SUCO: variants seen among roughly 807,000 people sequenced by gnomAD.
SUCO encodes SUN domain-containing ossification factor.
SUCO carries 57 observed loss-of-function variants against 148.1 expected under a neutral mutation model. The ratio of observed to expected loss-of-function variants is 0.38; its 90% CI spans 0.31 to 0.48. The LOEUF (loss-of-function observed/expected upper bound fraction) is 0.48. SUCO is among the 20% of genes least tolerant of loss of function. The pLI, the probability that SUCO is intolerant of heterozygous loss-of-function variation, is 0.96. For missense variants in SUCO, 1,331 were observed against 1,468.2 expected (o/e 0.91, Z 1.53); for synonymous variants, 470 against 502.7 (o/e 0.93, Z 0.87).
At chr1:172,555,837 A>G (rs375226976) in intron 3 of SUCO, 32 bp from the exon 4 acceptor site, 3 of 1,555,994 alleles carry the variant, frequency 1.9e-6, no homozygotes, top group African/African-American at 1.4e-5. Context: ...TAATCTCAAC[A>G]TTTAATTTAG....
At chr1:172,532,940 C>T (rs1651697201), upstream of SUCO, 2 of 1,360,954 alleles carry the variant, frequency 1.5e-6, no homozygotes, top group Non-Finnish European at 9.7e-7. Flanking sequence ...CTGCCTCCGG[C>T]TTCTCCGCCT....
intron 17 of SUCO, chr1:172,587,958 C>T (rs1452197929): frequency 8.7e-6 from 3 of 343,020 alleles, no homozygotes; most frequent in Non-Finnish European, 1.2e-5. Flanking sequence ...CTCCTGTATG[C>T]CACATACATA....
At chr1:172,590,551 G>A (rs768087046) in intron 18 of SUCO, among the ~76,000 whole-genome samples, 3 of 151,872 alleles carry the variant, frequency 2.0e-5, no homozygotes, top group Admixed American at 6.6e-5. Flanking sequence ...CTCTACCAAC[G>A]TTTTGCAAAC....
Position 172,551,495 on chromosome 1 carries a change from T to C in SUCO, c.63-17T>C. On this transcript the variant is annotated splice_polypyrimidine_tract_variant and intron_variant, in intron 1 of 23. Coordinates refer to ENST00000263688, the MANE Select transcript of SUCO (RefSeq NM_014283.5). ...TTTCTCTTTTTCTGTTTGTTGGTGG[T>C]GGTGGGTGTTTTACAGGCTTCCCAG... 6.8e-7 allele frequency: 1 copy of C among 1,475,328 alleles called. No individual in the cohort carries two copies. The highest frequency in any genetic ancestry group is 1.9e-5 in the Admixed American group (1 of 51,600). 91.4% of individuals were successfully genotyped at this position (1,475,328 alleles called of 1,614,324 possible).
chr1:172,540,622 A>G (rs1261152702), intron 1 of SUCO, among the ~76,000 whole-genome samples: 1 of 152,204 alleles, frequency 6.6e-6, no homozygotes, highest in Non-Finnish European at 1.5e-5. Context: ...GTTCTCAAGG[A>G]AGGCTTGACT....
intron 1 of SUCO, among the ~76,000 whole-genome samples, chr1:172,537,729 T>C (rs1035346360): frequency 6.6e-6 from 1 of 152,228 alleles, no homozygotes; most frequent in African/African-American, 2.4e-5. Flanking sequence ...TGGAGAAGCT[T>C]ATATTTAGAC....
At position 172,589,719 on chromosome 1, in the gene SUCO, A is replaced by G; in HGVS notation, c.2618A>G (p.Glu873Gly). ...GTAAAAGAAGAAGAACAGTCTCCAG[A>G]AGATGCCCTTTTGAGAGGGTTACAG... ...PEVKEEEQSP[E>G]DALLRGLQRT... The change falls in exon 18 of 24, where the codon GAA (glutamate) becomes GGA (glycine). Residue 873 changes from glutamate (E) to glycine (G), a missense_variant. Physicochemically the swap from Glu to Gly is moderately conservative, Grantham distance 98 (BLOSUM62 -2). This residue lies in a region of SUCO where 992 missense variants were observed against 1,093.5 expected (regional missense o/e 0.91). Transcript: ENST00000263688. The G allele has an allele frequency of 6.2e-7, 1 of 1,613,610 alleles. No homozygotes were observed. Among genetic ancestry groups the G allele is most frequent in the Non-Finnish European group, 8.5e-7 (1 of 1,179,694 alleles).
intron 1 of SUCO, among the ~76,000 whole-genome samples, chr1:172,548,707 A>T (rs564756421): frequency 6.6e-6 from 1 of 151,912 alleles, no homozygotes; most frequent in Admixed American, 6.6e-5. Context: ...TTGTTGCAGC[A>T]TGGTTGGAGA....
At chr1:172,593,302 C>T (rs940775384) in intron 19 of SUCO, among the ~76,000 whole-genome samples, 1 of 152,196 alleles carries the variant, frequency 6.6e-6, no homozygotes, top group East Asian at 1.9e-4. Flanking sequence ...GCAGAACTTC[C>T]AGCACTATGT....
chr1:172,605,010 T>C lies in SUCO; in HGVS notation c.3265+2223T>C, dbSNP rs189305096. Among the ~76,000 whole-genome samples, 9 of 151,950 alleles carry C rather than the reference T, an allele frequency of 5.9e-5. No individual in the cohort carries two copies. In the East Asian group the frequency reaches 1.7e-3, roughly 29 times the overall value. On this transcript the variant is annotated intron_variant, in intron 22 of 23. Coordinates refer to ENST00000263688, the MANE Select transcript of SUCO (RefSeq NM_014283.5). ...TACAGATATCTCTTTGCTCATTTTT[T>C]AGTTGGATTGTTTGAGTTTTTTGTT...
intron 1 of SUCO, among the ~76,000 whole-genome samples, chr1:172,546,929 G>A (rs1410900050): frequency 3.3e-5 from 5 of 152,124 alleles, no homozygotes; most frequent in South Asian, 4.2e-4. Flanking sequence ...TATGTACAGC[G>A]AAATGCACAG....
intron 12 of SUCO, 38 bp downstream of exon 12, chr1:172,577,597 G>A: frequency 3.1e-6 from 5 of 1,607,246 alleles, no homozygotes; most frequent in Non-Finnish European, 3.4e-6. Flanking sequence ...AAATAACAGG[G>A]CATGGCGTAT....
At chr1:172,532,800 C>T, upstream of SUCO, 1 of 1,606,786 alleles carries the variant, frequency 6.2e-7, no homozygotes, top group Non-Finnish European at 8.5e-7. Flanking sequence ...GGACGAAGGG[C>T]GGTCCACTGT....
At chr1:172,561,593 C>G (rs1654157718) in intron 6 of SUCO, among the ~76,000 whole-genome samples, 1 of 152,300 alleles carries the variant, frequency 6.6e-6, no homozygotes, top group East Asian at 1.9e-4. Context: ...AGCATGGCCT[C>G]TACACCCAAT....
At chr1:172,600,996 C>T (rs930260488) in intron 20 of SUCO, among the ~76,000 whole-genome samples, 1 of 152,148 alleles carries the variant, frequency 6.6e-6, no homozygotes, top group East Asian at 1.9e-4. Context: ...AAGATATTGG[C>T]AGAGGCCTGG....
At chr1:172,584,369 A>G in intron 15 of SUCO, 1 of 948,910 alleles carries the variant, frequency 1.1e-6, no homozygotes, top group Non-Finnish European at 1.3e-6. Flanking sequence ...AATTTTGGTC[A>G]TCACATTTTT....
intron 1 of SUCO, chr1:172,544,170 C>G: frequency 1.0e-6 from 1 of 976,904 alleles, no homozygotes; most frequent in Non-Finnish European, 1.2e-6. Context: ...GTGGCTGGCA[C>G]TATATTTCTG....
chr1:172,548,542 C>T (rs1653037438), intron 1 of SUCO, among the ~76,000 whole-genome samples: 1 of 151,918 alleles, frequency 6.6e-6, no homozygotes, highest in Non-Finnish European at 1.5e-5. Flanking sequence ...AGTTTTCCTG[C>T]TATTGTCTTA....
intron 6 of SUCO, among the ~76,000 whole-genome samples, chr1:172,562,327 A>ATTTTTTT (rs34871543): frequency 1.0e-4 from 14 of 137,704 alleles, no homozygotes; most frequent in Non-Finnish European, 1.4e-4. Context: ...GGGTTTTAAC[A>ATTTTTTT]TTTTTTTTTT....
Sources: gnomAD v4.1 joint callset for allele counts (sites outside exome capture counted in the v4.1 genomes callset) on GRCh38, gnomAD v4.1.1 for gene constraint, gnomAD v4.1.1 regional missense constraint, MANE v1.5 for transcripts, NCBI Gene and HGNC (gene_info 2026-07-23, HGNC 2026-07-21) for gene names.